Variants in TNFRSF19 observed in about 807,000 individuals in gnomAD.
TNFRSF19 encodes the protein TNF receptor superfamily member 19.
A neutral mutation model predicts 46.4 loss-of-function variants in TNFRSF19; 27 were observed. The ratio of observed to expected loss-of-function variants is 0.58; its 90% CI spans 0.43 to 0.80. The LOEUF is 0.80. Ranked by LOEUF, TNFRSF19 falls within the 30% of genes least tolerant of loss-of-function variation. The pLI, the probability that TNFRSF19 is intolerant of heterozygous loss-of-function variation, is 0.00. For missense variants in TNFRSF19, 511 were observed against 530.8 expected (o/e 0.96, Z 0.37); for synonymous variants, 204 against 205.0 (o/e 1.00, Z 0.04).
At chr13:23,633,802 T>A (rs1326837847) in intron 5 of TNFRSF19, among the ~76,000 whole-genome samples, 1 of 152,154 alleles carries the variant, frequency 6.6e-6, no homozygotes, top group Non-Finnish European at 1.5e-5. Flanking sequence ...TGAGCCGAGA[T>A]CGTACCGTTG....
intron 5 of TNFRSF19, among the ~76,000 whole-genome samples, chr13:23,651,364 T>C (rs1232123751): frequency 1.3e-5 from 2 of 152,228 alleles, no homozygotes; most frequent in Non-Finnish European, 2.9e-5. Context: ...CTAATTGAAT[T>C]GCATGTGTCA....
At chr13:23,635,681 AAACATTATTTT>A (rs1882634227) in intron 5 of TNFRSF19, among the ~76,000 whole-genome samples, 1 of 152,200 alleles carries the variant, frequency 6.6e-6, no homozygotes, top group Non-Finnish European at 1.5e-5. Context: ...GCCTGGTCTA[AAACATTATTTT>A]AATTGCTTCA....
At chr13:23,654,140 C>T (rs1037296364) in intron 5 of TNFRSF19, among the ~76,000 whole-genome samples, 2 of 152,130 alleles carry the variant, frequency 1.3e-5, no homozygotes, top group Non-Finnish European at 2.9e-5. Flanking sequence ...CTGAATGGGG[C>T]CCTTTGTTAG....
At chr13:23,670,372 C>T (rs536799179) in intron 9 of TNFRSF19, among the ~76,000 whole-genome samples, 1 of 152,076 alleles carries the variant, frequency 6.6e-6, no homozygotes, top group Admixed American at 6.5e-5. Flanking sequence ...ATTCTATAGA[C>T]AAAACATTTT....
intron 1 of TNFRSF19, among the ~76,000 whole-genome samples, chr13:23,573,710 G>A (rs1331944344): frequency 6.6e-6 from 1 of 152,108 alleles, no homozygotes; most frequent in Non-Finnish European, 1.5e-5. Context: ...TATCATGTTT[G>A]ATTATGTTAA....
chr13:23,668,823 A>T lies in TNFRSF19; in HGVS notation c.971A>T (p.Asp324Val), dbSNP rs978433096. 1 of 1,614,058 alleles carries T rather than the reference A, an allele frequency of 6.2e-7. No individual in the cohort carries two copies. The highest frequency in any genetic ancestry group is 2.2e-5 in the East Asian group (1 of 44,882). Residue 324 changes from aspartate to valine, a missense_variant, in exon 9 of 10, where the codon GAC becomes GTC. By Grantham distance (152) the Asp-to-Val change is radical (BLOSUM62 -3). Coordinates refer to ENST00000248484, the MANE Select transcript of TNFRSF19 (RefSeq NM_148957.4). ...PMGGDNISFC[D>V]SYPELTGEDI... ...GGTGGTGACAACATCTCTTTTTGTG[A>T]CTCTTATCCTGAACTCACTGGAGAA...
At chr13:23,616,749 A>C (rs979505646) in intron 4 of TNFRSF19, among the ~76,000 whole-genome samples, 51 of 151,486 alleles carry the variant, frequency 3.4e-4, no homozygotes, top group African/African-American at 1.2e-3. Flanking sequence ...CGCCCGGCTA[A>C]TTTTTTGTAT....
chr13:23,652,697 A>G (rs1388936024), intron 5 of TNFRSF19, among the ~76,000 whole-genome samples: 1 of 152,248 alleles, frequency 6.6e-6, no homozygotes, highest in Non-Finnish European at 1.5e-5. Flanking sequence ...CATTAGCGAC[A>G]TAGCCCAAGG....
At chr13:23,654,030 A>C (rs1398892764) in intron 5 of TNFRSF19, among the ~76,000 whole-genome samples, 2 of 151,974 alleles carry the variant, frequency 1.3e-5, no homozygotes. Flanking sequence ...GAGGAAACTG[A>C]GATTAAGAGC....
At chr13:23,646,763 T>A (rs1883357262) in intron 5 of TNFRSF19, among the ~76,000 whole-genome samples, 1 of 152,246 alleles carries the variant, frequency 6.6e-6, no homozygotes, top group South Asian at 2.1e-4. Flanking sequence ...AGTATCTGAT[T>A]CCTTATTTTC....
chr13:23,667,889 T>G, intron 7 of TNFRSF19, 91 bp from the exon 8 acceptor site: 1 of 1,105,460 alleles, frequency 9.0e-7, no homozygotes, highest in Non-Finnish European at 1.3e-6. Context: ...AAGGGAAACA[T>G]CTAAATTTCC....
At chr13:23,666,183 T>C (rs975140507) in intron 7 of TNFRSF19, among the ~76,000 whole-genome samples, 1 of 152,184 alleles carries the variant, frequency 6.6e-6, no homozygotes, top group Non-Finnish European at 1.5e-5. Context: ...TTCTCCAGTA[T>C]AAAATGTCCG....
intron 9 of TNFRSF19, chr13:23,669,322 C>A: frequency 7.3e-7 from 1 of 1,366,044 alleles, no homozygotes; most frequent in Non-Finnish European, 9.4e-7. Context: ...TTCTTTTATT[C>A]CTCTTTGTAA....
intron 1 of TNFRSF19, among the ~76,000 whole-genome samples, chr13:23,589,279 T>C (rs1879079130): frequency 6.6e-6 from 1 of 152,226 alleles, no homozygotes; most frequent in South Asian, 2.1e-4. Context: ...TTTTAGATCA[T>C]TCCTGGTAAA....
At chr13:23,575,113 G>C (rs1877870177) in intron 1 of TNFRSF19, among the ~76,000 whole-genome samples, 1 of 152,244 alleles carries the variant, frequency 6.6e-6, no homozygotes, top group South Asian at 2.1e-4. Context: ...TGCCCAGCCA[G>C]CCTGGCCTCA....
At chr13:23,591,388 G>C (rs566809847) in intron 2 of TNFRSF19, among the ~76,000 whole-genome samples, 2 of 152,212 alleles carry the variant, frequency 1.3e-5, no homozygotes, top group South Asian at 4.1e-4. Flanking sequence ...GGGAGGCGGA[G>C]GTTTCAGTGA....
At chr13:23,635,085 G>T (rs1429890394) in intron 5 of TNFRSF19, among the ~76,000 whole-genome samples, 1 of 152,098 alleles carries the variant, frequency 6.6e-6, no homozygotes, top group Non-Finnish European at 1.5e-5. Context: ...ACATGGTCAC[G>T]TGGAGGGTAG....
intron 5 of TNFRSF19, among the ~76,000 whole-genome samples, chr13:23,658,768 A>G (rs1255289601): frequency 6.6e-6 from 1 of 152,244 alleles, no homozygotes; most frequent in Non-Finnish European, 1.5e-5. Context: ...GCTCTGGTGG[A>G]GCTGAAGGCA....
intron 1 of TNFRSF19, among the ~76,000 whole-genome samples, chr13:23,577,548 TGGGCA>T (rs1039410962): frequency 1.3e-5 from 2 of 152,164 alleles, no homozygotes; most frequent in African/African-American, 4.8e-5. Flanking sequence ...CAGGACACAA[TGGGCA>T]AGTGCTAAAT....
Sources: allele counts gnomAD v4.1 joint callset (sites outside exome capture counted in the v4.1 genomes callset), GRCh38; gene constraint gnomAD v4.1.1; transcripts MANE v1.5; gene names NCBI Gene and HGNC (gene_info 2026-07-23, HGNC 2026-07-21).